Variants in MBNL2 observed in about 807,000 individuals in gnomAD.
MBNL2 encodes the protein muscleblind-like protein 2.
Under a neutral mutation model 41.9 loss-of-function variants are expected in MBNL2, and 17 were observed. The ratio of observed to expected loss-of-function variants is 0.41; its 90% CI spans 0.28 to 0.61. The LOEUF is 0.61. Ranked by LOEUF, MBNL2 falls within the 20% of genes least tolerant of loss-of-function variation. The pLI is 0.35. For synonymous variants in MBNL2, 195 were observed against 182.9 expected, an observed-to-expected ratio of 1.07 and a Z score of -0.53; for missense variants, 336 against 505.6, an observed-to-expected ratio of 0.66 and a Z score of 3.22.
At chr13:97,219,890 C>T (rs1291992984), upstream of MBNL2, among the ~76,000 whole-genome samples, 1 of 152,196 alleles carries the variant, frequency 6.6e-6, no homozygotes, top group African/African-American at 2.4e-5. Flanking sequence ...CTATTTAAAT[C>T]ATCATGATAA....
chr13:97,256,542 G>A (rs771258489), intron 1 of MBNL2, among the ~76,000 whole-genome samples: 4 of 152,126 alleles, frequency 2.6e-5, no homozygotes, highest in South Asian at 4.1e-4. Context: ...GAATATCTCC[G>A]CCAAATGCTG....
At chr13:97,174,924 C>T in the MBNL2 span, among the ~76,000 whole-genome samples, 56 of 152,262 alleles carry the variant, frequency 3.7e-4, no homozygotes, top group Middle Eastern at 3.4e-3. Flanking sequence ...TCACAGATTA[C>T]TGGGAACCAG....
chr13:97,251,515 G>C (rs2046492190), intron 1 of MBNL2, among the ~76,000 whole-genome samples: 1 of 151,434 alleles, frequency 6.6e-6, no homozygotes. Flanking sequence ...TGCTCAAGTG[G>C]ATGTTGCACA....
At chr13:97,261,970 A>G (rs1043866213) in intron 1 of MBNL2, among the ~76,000 whole-genome samples, 7 of 152,078 alleles carry the variant, frequency 4.6e-5, no homozygotes, top group African/African-American at 7.2e-5. Context: ...CCATCTCCCC[A>G]AGCTCTTGTC....
chr13:97,302,556 C>A (rs1046315470), intron 2 of MBNL2, among the ~76,000 whole-genome samples: 2 of 152,172 alleles, frequency 1.3e-5, no homozygotes, highest in African/African-American at 4.8e-5. Context: ...TCACAACTAA[C>A]CCTATGATAT....
chr13:97,382,686 T>G (rs2153161045), intron 8 of MBNL2, among the ~76,000 whole-genome samples: 1 of 151,786 alleles, frequency 6.6e-6, no homozygotes, highest in African/African-American at 2.4e-5. Context: ...TTTTTTTTTT[T>G]TTTTTGAAAA....
intron 1 of MBNL2, among the ~76,000 whole-genome samples, chr13:97,275,280 C>A (rs568758997): frequency 6.6e-6 from 1 of 152,230 alleles, no homozygotes; most frequent in East Asian, 1.9e-4. Context: ...GCATTCCCAA[C>A]AATAAAATCA....
chr13:97,317,922 GT>G (rs2059194402), intron 2 of MBNL2, among the ~76,000 whole-genome samples: 2 of 152,176 alleles, frequency 1.3e-5, no homozygotes, highest in African/African-American at 4.8e-5. Flanking sequence ...ATTTATGTAT[GT>G]AGAGTTTCTC....
At chr13:97,221,753 C>T (rs975989431), upstream of MBNL2, among the ~76,000 whole-genome samples, 2 of 152,216 alleles carry the variant, frequency 1.3e-5, no homozygotes, top group South Asian at 4.2e-4. Context: ...TAATTAACCA[C>T]TGCAATAACA....
intron 2 of MBNL2, among the ~76,000 whole-genome samples, chr13:97,292,115 G>A (rs375281255): frequency 6.7e-6 from 1 of 148,442 alleles, no homozygotes. Flanking sequence ...GCAGGAGAAC[G>A]GCGTGAACCC....
At chr13:97,155,175 A>AT in the MBNL2 span, among the ~76,000 whole-genome samples, 1 of 151,944 alleles carries the variant, frequency 6.6e-6, no homozygotes, top group Admixed American at 6.6e-5. Context: ...GGACTTTGGA[A>AT]TTTTTTTGTA....
intron 5 of MBNL2, among the ~76,000 whole-genome samples, chr13:97,356,295 G>A (rs538809340): frequency 6.6e-6 from 1 of 152,092 alleles, no homozygotes; most frequent in East Asian, 1.9e-4. Context: ...GGCCAGCTAT[G>A]AATTTTAAAT....
intron 8 of MBNL2, among the ~76,000 whole-genome samples, chr13:97,379,404 T>C (rs1481507797): frequency 6.6e-6 from 1 of 152,100 alleles, no homozygotes; most frequent in African/African-American, 2.4e-5. Context: ...TTTTTAACAA[T>C]AATAATTTAA....
Position 97,391,497 on chromosome 13 carries a change from G to T in MBNL2, c.*48G>T. On this transcript the variant is annotated 3_prime_UTR_variant, in exon 9 of 9. Transcript: ENST00000679496. ...CAGACCACAACTCTAAGAAGCTAGT[G>T]CTGCTATCTCATATATGAGTATTAA... 1 of 824,950 alleles carries T rather than the reference G, an allele frequency of 1.2e-6. No homozygotes were observed. 51.1% of individuals were successfully genotyped at this position (824,950 alleles called of 1,614,324 possible). A position where few individuals can be genotyped will look rare whatever the true frequency, so the allele number is the denominator to read the frequency against.
chr13:97,260,549 C>G (rs1187833197), intron 1 of MBNL2, among the ~76,000 whole-genome samples: 1 of 152,138 alleles, frequency 6.6e-6, no homozygotes, highest in Admixed American at 6.5e-5. Context: ...AGGCAGGGGC[C>G]AAGTGCAGCT....
chr13:97,271,112 G>GTTTT (rs369155404), intron 1 of MBNL2, among the ~76,000 whole-genome samples: 9 of 133,394 alleles, frequency 6.7e-5, no homozygotes, highest in Non-Finnish European at 6.4e-5. Flanking sequence ...GCTCTTTTTT[G>GTTTT]TTTTTTTTTT....
chr13:97,365,057 C>A, intron 7 of MBNL2, 79 bp from the exon 8 acceptor site: 1 of 911,422 alleles, frequency 1.1e-6, no homozygotes, highest in Non-Finnish European at 1.9e-6. Flanking sequence ...TTCAATCTCA[C>A]TTTGAATGTT....
At chr13:97,318,707 A>ATCCAGC (rs1452689881) in intron 2 of MBNL2, among the ~76,000 whole-genome samples, 8 of 152,222 alleles carry the variant, frequency 5.3e-5, no homozygotes, top group Admixed American at 4.6e-4. Flanking sequence ...CAGATGAAGA[A>ATCCAGC]CAGCTGGGGT....
At chr13:97,304,947 C>A (rs919308350) in intron 2 of MBNL2, among the ~76,000 whole-genome samples, 6 of 152,190 alleles carry the variant, frequency 3.9e-5, no homozygotes, top group African/African-American at 7.2e-5. Context: ...ACCTTAAGAT[C>A]TGATTTTTAT....
Sources: gnomAD v4.1 joint callset for allele counts (sites outside exome capture counted in the v4.1 genomes callset) on GRCh38, gnomAD v4.1.1 for gene constraint, MANE v1.5 for transcripts, NCBI Gene and HGNC (gene_info 2026-07-23, HGNC 2026-07-21) for gene names.